Variants in TSTD2 observed in about 807,000 individuals in gnomAD.
TSTD2 encodes the protein thiosulfate sulfurtransferase/rhodanese-like domain-containing protein 2.
Under a neutral mutation model 47.9 loss-of-function variants are expected in TSTD2, and 37 were observed. The ratio of observed to expected loss-of-function variants is 0.77; its 90% confidence interval spans 0.59 to 1.02. The LOEUF is 1.02. Ranked by LOEUF, TSTD2 falls within the 50% of genes least tolerant of loss-of-function variation. The pLI is 0.00. For synonymous variants in TSTD2, 201 were observed against 215.9 expected (o/e 0.93, Z 0.61); for missense variants, 586 against 616.0 (o/e 0.95, Z 0.52).
chr9:97,629,498 A>C (rs575474416), intron 1 of TSTD2, among the ~76,000 whole-genome samples: 3 of 152,346 alleles, frequency 2.0e-5, no homozygotes, highest in African/African-American at 4.8e-5. Context: ...AGATTTATTA[A>C]ACCTAAATTC....
Position 97,600,848 on chromosome 9 carries a change from A to G in TSTD2, c.*1621T>C. The G allele has an allele frequency of 9.3e-7, 1 of 1,079,288 alleles. No homozygotes were observed. The highest frequency in any genetic ancestry group is 1.1e-6 in the Non-Finnish European group (1 of 882,432). The allele number at this position is 1,079,288 out of a possible 1,614,324, so 66.9% of individuals were successfully genotyped here. A position where few individuals can be genotyped will look rare whatever the true frequency, so the allele number is the denominator to read the frequency against. On this transcript the variant is annotated 3_prime_UTR_variant, in exon 10 of 10. Transcript: ENST00000341170. ...TCATGTGCGTCTCTTGGGATCCAGC[A>G]AAAGTGTTAAGCCACAATGCCCTTG...
chr9:97,607,495 G>A (rs1564006366), intron 6 of TSTD2, among the ~76,000 whole-genome samples: 1 of 152,312 alleles, frequency 6.6e-6, no homozygotes, highest in East Asian at 1.9e-4. Flanking sequence ...AATCTGGATT[G>A]CTACCTGCCT....
intron 1 of TSTD2, among the ~76,000 whole-genome samples, chr9:97,630,607 T>G (rs959760943): frequency 6.6e-6 from 1 of 152,192 alleles, no homozygotes; most frequent in African/African-American, 2.4e-5. Flanking sequence ...AACCACTCTA[T>G]CTATACTTAC....
At chr9:97,626,025 T>C in intron 2 of TSTD2, 28 bp from the exon 3 acceptor site, 1 of 1,579,676 alleles carries the variant, frequency 6.3e-7, no homozygotes, top group Non-Finnish European at 8.6e-7. Flanking sequence ...ATGCTAACAC[T>C]GTTAAATAAC....
At chr9:97,603,465 T>C (rs902525114) in intron 9 of TSTD2, among the ~76,000 whole-genome samples, 1 of 152,230 alleles carries the variant, frequency 6.6e-6, no homozygotes, top group Non-Finnish European at 1.5e-5. Context: ...ATCTACTCTT[T>C]CTACTTGTTT....
At chr9:97,605,000 C>A (rs956590980) in intron 8 of TSTD2, 135 bp from the exon 9 acceptor site, 3 of 1,445,552 alleles carry the variant, frequency 2.1e-6, no homozygotes, top group African/African-American at 1.4e-5. Flanking sequence ...GGGCTCCTGG[C>A]TCCCACTGCG....
rs773863619 is a variant in TSTD2 at position 97,625,845 on chromosome 9, G to C, written c.318C>G (p.His106Gln). ...GTTGCTTTAAAATAGAAGCTGTCTGGTGATAAATTTCATCAGCATGTTGTG... is the reference window on the plus strand; with the variant it reads ...GTTGCTTTAAAATAGAAGCTGTCTGCTGATAAATTTCATCAGCATGTTGTG... Reference protein sequence around the residue: ...VATQHADEIYHQTASILKQLA... With the variant: ...VATQHADEIYQQTASILKQLA... Residue 106 changes from histidine (H) to glutamine (Q), a missense_variant, in exon 3 of 10, where the codon CAC becomes CAG. Transcript: ENST00000341170. The C allele has an allele frequency of 9.3e-6, 15 of 1,614,040 alleles. No individual in the cohort carries two copies. Among genetic ancestry groups the C allele is most frequent in the Non-Finnish European group, 1.3e-5 (15 of 1,179,998 alleles).
Position 97,625,803 on chromosome 9 carries a change from G to A in TSTD2, c.360C>T (p.Ser120=), listed in dbSNP as rs1178103264. ...CTGCAGACGAAAGACTCTTTGAGGTGCTCAATGTCACAGCCAGTTGCTTTA... is the reference window on the plus strand; with the variant it reads ...CTGCAGACGAAAGACTCTTTGAGGTACTCAATGTCACAGCCAGTTGCTTTA... ...SILKQLAVTL[S]TSKSLSSADE... The change falls in exon 3 of 10, where the codon AGC becomes AGT. Residue 120 remains serine, a synonymous_variant. Transcript: ENST00000341170. 2 of 1,614,032 alleles carry A rather than the reference G, an allele frequency of 1.2e-6. No homozygotes were observed. The highest frequency in any genetic ancestry group is 1.7e-6 in the Non-Finnish European group (2 of 1,180,006).
chr9:97,627,583 A>G lies in TSTD2; in HGVS notation c.-21T>C. The G allele has an allele frequency of 1.3e-6, 2 of 1,576,674 alleles. No homozygotes were observed. On this transcript the variant is annotated 5_prime_UTR_variant, in exon 2 of 10. Coordinates refer to ENST00000341170, the MANE Select transcript of TSTD2 (RefSeq NM_139246.5). ...GGCATCTGGTTTGGTTGCAACAGTG[A>G]AGCAGATATTCCTTTCAGTTAAATA... is the stretch of plus-strand genomic sequence containing the variant.
chr9:97,628,989 A>G (rs1826767612), intron 1 of TSTD2, among the ~76,000 whole-genome samples: 1 of 152,190 alleles, frequency 6.6e-6, no homozygotes, highest in Non-Finnish European at 1.5e-5. Flanking sequence ...TTCCTGCCCC[A>G]CAACATAACA....
chr9:97,625,919 A>G lies in TSTD2; in HGVS notation c.244T>C (p.Cys82Arg), dbSNP rs1241141044. ...FECKEKLWKC[C>R]RQLFTDQTSI... ...GTTTGGTCTGTGAATAGCTGCCGACAGCATTTCCACAATTTTTCTTTACAT... is the reference window on the plus strand; with the variant it reads ...GTTTGGTCTGTGAATAGCTGCCGACGGCATTTCCACAATTTTTCTTTACAT... Residue 82 changes from cysteine to arginine, a missense_variant, in exon 3 of 10, where the codon TGT (cysteine) becomes CGT (arginine). Coordinates refer to ENST00000341170, the MANE Select transcript of TSTD2 (RefSeq NM_139246.5). The G allele has an allele frequency of 9.9e-6, 16 of 1,614,060 alleles. No homozygotes were observed. The East Asian group carries it at 3.3e-4, about 34-fold the overall frequency.
At chr9:97,631,730 G>T (rs1826818128) in intron 1 of TSTD2, among the ~76,000 whole-genome samples, 1 of 152,042 alleles carries the variant, frequency 6.6e-6, no homozygotes. Context: ...TGTAATTGCC[G>T]CTACTTGGGT....
chr9:97,603,775 C>T (rs1343264717), intron 9 of TSTD2, among the ~76,000 whole-genome samples: 1 of 152,318 alleles, frequency 6.6e-6, no homozygotes, highest in South Asian at 2.1e-4. Flanking sequence ...TTTAAACTCA[C>T]TGCAACCTCA....
chr9:97,627,280 G>T, intron 2 of TSTD2, 118 bp downstream of exon 2: 1 of 1,433,982 alleles, frequency 7.0e-7, no homozygotes, highest in Admixed American at 2.7e-5. Flanking sequence ...TAACATCACT[G>T]GTTAATGTTC....
intron 3 of TSTD2, among the ~76,000 whole-genome samples, chr9:97,622,406 C>A (rs1340899809): frequency 6.6e-6 from 1 of 152,240 alleles, no homozygotes; most frequent in Non-Finnish European, 1.5e-5. Context: ...GATGCCCAGG[C>A]AGAAGTTTGC....
At chr9:97,627,191 T>C (rs1362039147) in intron 2 of TSTD2, 2 of 967,800 alleles carry the variant, frequency 2.1e-6, no homozygotes, top group African/African-American at 1.7e-5. Context: ...CTGTCTAGGA[T>C]CCACCCTCCT....
intron 7 of TSTD2, 122 bp downstream of exon 7, chr9:97,606,021 T>TA: frequency 1.3e-6 from 1 of 781,118 alleles, no homozygotes; most frequent in Non-Finnish European, 2.2e-6. Context: ...AAGCTGCCAG[T>TA]ACTGGGAGGA....
Position 97,606,225 on chromosome 9 carries a change from A to T in TSTD2, c.872T>A (p.Val291Glu), listed in dbSNP as rs1309490074. Residue 291 changes from valine (V) to glutamate (E), a missense_variant, in exon 7 of 10, where the codon GTA becomes GAA. Val to Glu is a moderately radical substitution (Grantham distance 121). Coordinates refer to ENST00000341170, the MANE Select transcript of TSTD2 (RefSeq NM_139246.5). ...HLSPGEFHKE[V>E]EKFLSQANQE... Reference sequence around the variant, plus strand: ...ATTTGCCTGAGATAAAAACTTTTCTACTTCTTTATGAAATTCACCTGGGGA... The same window carrying T: ...ATTTGCCTGAGATAAAAACTTTTCTTCTTCTTTATGAAATTCACCTGGGGA... 6.2e-7 allele frequency: 1 copy of T among 1,610,824 alleles called. No individual in the cohort carries two copies. The highest frequency in any genetic ancestry group is 1.7e-4 in the Middle Eastern group (1 of 6,052).
At position 97,612,251 on chromosome 9, in the gene TSTD2, T is replaced by C. The variant is rs375699014; in HGVS notation, c.604-552A>G. The stretch of plus-strand genomic sequence containing the variant: ...TTTTCTTTATCCAGTTTATCACTGA[T>C]GGGCATTAGGTTGATTCCATGTCTT... On this transcript the variant is annotated intron_variant, in intron 4 of 9. Coordinates refer to ENST00000341170, the MANE Select transcript of TSTD2 (RefSeq NM_139246.5). Among the ~76,000 whole-genome samples the C allele has an allele frequency of 1.5e-3, 234 of 152,370 alleles. 1 individual carries two copies. Among genetic ancestry groups the C allele is most frequent in the African/African-American group, 5.4e-3 (226 of 41,590 alleles).
Sources: allele counts gnomAD v4.1 joint callset (sites outside exome capture counted in the v4.1 genomes callset), GRCh38; gene constraint gnomAD v4.1.1; transcripts MANE v1.5; gene names NCBI Gene and HGNC (gene_info 2026-07-23, HGNC 2026-07-21).